TENM4: variants seen among roughly 807,000 people sequenced by gnomAD.
TENM4 encodes teneurin transmembrane protein 4, also known as teneurin-4.
TENM4 carries 82 observed loss-of-function variants against 243.3 expected under a neutral mutation model. That is an observed-to-expected ratio of 0.34 (90% confidence interval 0.28 to 0.40). The LOEUF is 0.40. Among genes scored for constraint, TENM4 ranks in the 10% least tolerant of loss-of-function variants. The probability of loss-of-function intolerance (pLI) is 1.00; values close to 1 mark genes in which losing one functional copy is unlikely to be tolerated. For synonymous variants in TENM4, 1,412 were observed against 1,456.3 expected, an observed-to-expected ratio of 0.97 and a Z score of 0.69; for missense variants, 3,138 against 3,673.3, an observed-to-expected ratio of 0.85 and a Z score of 3.77.
At chr11:79,253,934 T>A (rs908188632) in intron 2 of TENM4, among the ~76,000 whole-genome samples, 1 of 152,130 alleles carries the variant, frequency 6.6e-6, no homozygotes, top group Admixed American at 6.5e-5. Context: ...GAAAAGACAC[T>A]TGGTCACACT....
At chr11:78,689,699 C>T (rs1006279750) in intron 28 of TENM4, among the ~76,000 whole-genome samples, 3 of 152,134 alleles carry the variant, frequency 2.0e-5, no homozygotes, top group African/African-American at 2.4e-5. Flanking sequence ...CTCAGGAATT[C>T]TCTGCCCAAG....
intron 5 of TENM4, among the ~76,000 whole-genome samples, chr11:79,067,393 C>T (rs1316198163): frequency 1.3e-5 from 2 of 152,230 alleles, no homozygotes; most frequent in Admixed American, 6.5e-5. Flanking sequence ...CCTGCTCTCG[C>T]CCCCTGTCCC....
intron 12 of TENM4, among the ~76,000 whole-genome samples, chr11:78,816,392 T>C (rs1857605366): frequency 6.6e-6 from 1 of 152,240 alleles, no homozygotes; most frequent in African/African-American, 2.4e-5. Flanking sequence ...CAGCCCTATC[T>C]TGGGATAGTT....
chr11:79,095,097 AG>A (rs1199117771), intron 4 of TENM4, among the ~76,000 whole-genome samples: 1 of 149,394 alleles, frequency 6.7e-6, no homozygotes, highest in Non-Finnish European at 1.5e-5. Flanking sequence ...GGGTGGGGAG[AG>A]GGGGGTGAAG....
chr11:79,386,734 A>T (rs1858119455), intron 1 of TENM4, among the ~76,000 whole-genome samples: 1 of 148,908 alleles, frequency 6.7e-6, no homozygotes, highest in African/African-American at 2.5e-5. Flanking sequence ...TAAAATGAAC[A>T]CGGCCGTTGA....
At chr11:79,344,861 T>C (rs1160283061) in intron 1 of TENM4, among the ~76,000 whole-genome samples, 1 of 152,232 alleles carries the variant, frequency 6.6e-6, no homozygotes, top group Non-Finnish European at 1.5e-5. Context: ...TTATTTACCA[T>C]CTAAATGCAC....
intron 2 of TENM4, among the ~76,000 whole-genome samples, chr11:79,272,341 A>T (rs1855982087): frequency 1.3e-5 from 2 of 152,214 alleles, no homozygotes; most frequent in African/African-American, 4.8e-5. Context: ...GCCACATTTA[A>T]AAAGCAAAAA....
At chr11:78,807,259 T>C (rs989555062) in intron 14 of TENM4, among the ~76,000 whole-genome samples, 8 of 152,210 alleles carry the variant, frequency 5.3e-5, no homozygotes, top group African/African-American at 1.9e-4. Flanking sequence ...TTTTGATTTT[T>C]TGAGGAACCA....
intron 28 of TENM4, among the ~76,000 whole-genome samples, 159 bp from the exon 29 acceptor site, chr11:78,688,385 C>T (rs563868204): frequency 1.3e-5 from 2 of 152,242 alleles, no homozygotes; most frequent in South Asian, 2.1e-4. Flanking sequence ...GGACCTGGTA[C>T]ATAGATTTCA....
chr11:79,230,311 G>A (rs1023023912), intron 2 of TENM4, among the ~76,000 whole-genome samples: 2 of 152,176 alleles, frequency 1.3e-5, no homozygotes, highest in Admixed American at 1.3e-4. Flanking sequence ...TATTATGCAA[G>A]GTCTTCTCCA....
At chr11:78,971,154 G>C (rs1302490567) in intron 6 of TENM4, among the ~76,000 whole-genome samples, 1 of 151,864 alleles carries the variant, frequency 6.6e-6, no homozygotes, top group African/African-American at 2.4e-5. Flanking sequence ...CTCCCGAGTA[G>C]TCGGGATCAT....
chr11:79,083,253 C>G (rs544174675), intron 4 of TENM4, among the ~76,000 whole-genome samples: 3 of 152,364 alleles, frequency 2.0e-5, no homozygotes, highest in South Asian at 2.1e-4. Context: ...CCCAGCCTCA[C>G]AGCCTGTGCC....
At chr11:78,754,236 G>C (rs1856253555) in intron 19 of TENM4, among the ~76,000 whole-genome samples, 1 of 152,170 alleles carries the variant, frequency 6.6e-6, no homozygotes, top group South Asian at 2.1e-4. Flanking sequence ...GACCAAGCTG[G>C]CCTCTCTCTG....
chr11:78,950,298 C>T (rs560240231), intron 6 of TENM4, among the ~76,000 whole-genome samples: 3 of 152,326 alleles, frequency 2.0e-5, no homozygotes, highest in South Asian at 2.1e-4. Context: ...GGTTTCCATT[C>T]AGGGGCCTCT....
intron 12 of TENM4, among the ~76,000 whole-genome samples, chr11:78,827,881 C>A (rs1223054635): frequency 6.6e-6 from 1 of 152,198 alleles, no homozygotes; most frequent in Non-Finnish European, 1.5e-5. Context: ...TGGCAGTTTA[C>A]TTCTGTCTTT....
At chr11:78,827,915 C>T (rs930974900) in intron 12 of TENM4, among the ~76,000 whole-genome samples, 2 of 152,312 alleles carry the variant, frequency 1.3e-5, no homozygotes, top group South Asian at 4.1e-4. Flanking sequence ...CTGCTGTCTA[C>T]TTTGCAATCT....
chr11:79,142,652 C>T (rs1289114704), intron 4 of TENM4, among the ~76,000 whole-genome samples: 1 of 151,946 alleles, frequency 6.6e-6, no homozygotes, highest in Non-Finnish European at 1.5e-5. Context: ...TAGATGGAGC[C>T]ACAAAAGACC....
intron 12 of TENM4, among the ~76,000 whole-genome samples, chr11:78,836,273 G>C (rs1388462208): frequency 1.3e-5 from 2 of 152,168 alleles, no homozygotes; most frequent in African/African-American, 4.8e-5. Context: ...TCGCTTGAAT[G>C]CTGGAGGCGG....
chr11:78,979,954 TA>T (rs1015337428), intron 6 of TENM4, among the ~76,000 whole-genome samples: 2 of 152,162 alleles, frequency 1.3e-5, no homozygotes, highest in Admixed American at 6.5e-5. Context: ...ATAATAAAAC[TA>T]GCAAGACTGA....
Sources: allele counts gnomAD v4.1 joint callset (sites outside exome capture counted in the v4.1 genomes callset), GRCh38; gene constraint gnomAD v4.1.1; transcripts MANE v1.5; gene names NCBI Gene and HGNC (gene_info 2026-07-23, HGNC 2026-07-21).